CDYL: variants seen among roughly 807,000 people sequenced by gnomAD.
The protein encoded by CDYL is chromodomain Y-like protein.
A neutral mutation model predicts 47.3 loss-of-function variants in CDYL; 8 were observed. That is an observed-to-expected ratio of 0.17 (90% CI 0.10 to 0.31). The LOEUF (loss-of-function observed/expected upper bound fraction) is 0.31, where lower values mean the gene tolerates loss of function less well. Among genes scored for constraint, CDYL ranks in the 10% least tolerant of loss-of-function variants. The probability of loss-of-function intolerance (pLI) is 1.00; values close to 1 mark genes in which losing one functional copy is unlikely to be tolerated. For missense variants in CDYL, 471 were observed against 701.4 expected, an observed-to-expected ratio of 0.67 and a Z score of 3.71; for synonymous variants, 266 against 265.0, an observed-to-expected ratio of 1.00 and a Z score of -0.04.
intron 1 of CDYL, among the ~76,000 whole-genome samples, chr6:4,830,682 C>T (rs958172495): frequency 6.6e-6 from 1 of 151,812 alleles, no homozygotes; most frequent in Admixed American, 6.6e-5. Flanking sequence ...ATACATGTGA[C>T]ATGCTGGTGC....
At chr6:4,946,566 TACTCAAGGGTCTGGGGGTG>T (rs1443312233) in intron 5 of CDYL, among the ~76,000 whole-genome samples, 2 of 152,118 alleles carry the variant, frequency 1.3e-5, no homozygotes, top group Non-Finnish European at 2.9e-5. Flanking sequence ...AGGGCGCAGG[TACTCAAGGGTCTGGGGGTG>T]ACGCAGGGGT....
At chr6:4,792,212 T>C (rs1456057582) in intron 1 of CDYL, among the ~76,000 whole-genome samples, 3 of 152,006 alleles carry the variant, frequency 2.0e-5, no homozygotes, top group African/African-American at 7.3e-5. Flanking sequence ...GAATTTTATA[T>C]GAAAACATTT....
intron 3 of CDYL, among the ~76,000 whole-genome samples, chr6:4,752,859 T>C (rs1391094335): frequency 6.6e-6 from 1 of 151,032 alleles, no homozygotes; most frequent in Non-Finnish European, 1.5e-5. Flanking sequence ...TGTGTGTGTT[T>C]GTAGATAGGT....
intron 2 of CDYL, among the ~76,000 whole-genome samples, chr6:4,915,700 C>T (rs1323394127): frequency 6.6e-6 from 1 of 152,198 alleles, no homozygotes; most frequent in African/African-American, 2.4e-5. Context: ...CAAAATATAA[C>T]TTGACATATT....
chr6:4,708,803 G>A lies in CDYL; in HGVS notation c.-39+2552G>A, dbSNP rs555848593. ...GGAGGCCAAGATGGGTGGATCACCTGAGGTCAGGAGTTCAAGACCAGCCCG... is the reference window on the plus strand; with the variant it reads ...GGAGGCCAAGATGGGTGGATCACCTAAGGTCAGGAGTTCAAGACCAGCCCG... On this transcript the variant is annotated intron_variant, in intron 1 of 8. Coordinates refer to the CDYL transcript ENST00000328908. 3.3e-5 allele frequency among the ~76,000 whole-genome samples: 5 copies of A among 152,220 alleles called. No homozygotes were observed. In the South Asian group the frequency reaches 1.0e-3, roughly 32 times the overall value.
At chr6:4,852,255 A>T (rs1008576619) in intron 1 of CDYL, among the ~76,000 whole-genome samples, 1 of 152,176 alleles carries the variant, frequency 6.6e-6, no homozygotes, top group African/African-American at 2.4e-5. Flanking sequence ...ACTATTTTGC[A>T]AGGAAGAGCT....
chr6:4,734,664 A>G (rs62384815), intron 2 of CDYL: 1 of 1,496,560 alleles, frequency 6.7e-7, no homozygotes, highest in African/African-American at 1.4e-5. Context: ...GGGAGGGCAC[A>G]GGGATGGGAA....
chr6:4,826,926 T>C (rs1222849036), intron 1 of CDYL, among the ~76,000 whole-genome samples: 1 of 152,238 alleles, frequency 6.6e-6, no homozygotes, highest in Non-Finnish European at 1.5e-5. Context: ...CCAACTGTTA[T>C]TGTAAAGCTA....
rs200229800 is a variant in CDYL at position 4,852,515 on chromosome 6, TCTTC to T, written c.25-39184_25-39181del. Among the ~76,000 whole-genome samples, 59 of 86,994 alleles carry T rather than the reference TCTTC, an allele frequency of 6.8e-4. 2 individuals are homozygous for T. Among genetic ancestry groups the T allele is most frequent in the Admixed American group, 1.5e-3 (15 of 9,922 alleles). The allele number at this position is 86,994 out of a possible 152,430, so 57.1% of individuals were successfully genotyped here. A position where few individuals can be genotyped will look rare whatever the true frequency, so the allele number is the denominator to read the frequency against. ...TCCAATCTTCCTTCCTTCCTTCCAATCTTCCTTCCTTCCTTCCAATCTTCCTTCC... is the reference window on the plus strand; with the variant it reads ...TCCAATCTTCCTTCCTTCCTTCCAATCTTCCTTCCTTCCAATCTTCCTTCC... On this transcript the variant is annotated intron_variant, in intron 1 of 6. Coordinates refer to ENST00000397588, the MANE Select transcript of CDYL (RefSeq NM_004824.4).
At chr6:4,753,991 C>T (rs1001110876) in intron 3 of CDYL, among the ~76,000 whole-genome samples, 1 of 151,966 alleles carries the variant, frequency 6.6e-6, no homozygotes, top group African/African-American at 2.4e-5. Flanking sequence ...TTTTGTAAAT[C>T]GACTTGTTTT....
intron 2 of CDYL, among the ~76,000 whole-genome samples, chr6:4,913,866 G>T (rs1212041059): frequency 6.6e-6 from 1 of 152,268 alleles, no homozygotes; most frequent in African/African-American, 2.4e-5. Flanking sequence ...AAGCAGCCCA[G>T]ATTTGGCCAG....
At chr6:4,865,935 A>G (rs1486346420) in intron 1 of CDYL, among the ~76,000 whole-genome samples, 1 of 152,232 alleles carries the variant, frequency 6.6e-6, no homozygotes, top group Non-Finnish European at 1.5e-5. Context: ...TTAAGTGGAC[A>G]TAAAGAACCT....
At chr6:4,861,633 T>C (rs536764983) in intron 1 of CDYL, among the ~76,000 whole-genome samples, 5 of 152,348 alleles carry the variant, frequency 3.3e-5, no homozygotes, top group South Asian at 2.1e-4. Context: ...TGTCACAATA[T>C]TTTCCTATGT....
At chr6:4,918,500 CTTG>C (rs1361447605) in intron 2 of CDYL, among the ~76,000 whole-genome samples, 1 of 151,920 alleles carries the variant, frequency 6.6e-6, no homozygotes. Context: ...TACCACCTGT[CTTG>C]TTTAATTTGC....
At chr6:4,791,073 G>A (rs891443423) in intron 1 of CDYL, among the ~76,000 whole-genome samples, 8 of 152,220 alleles carry the variant, frequency 5.3e-5, no homozygotes, top group African/African-American at 1.9e-4. Flanking sequence ...AGAACGAAGT[G>A]TAACGTCTTT....
At chr6:4,808,632 A>G (rs1223804106) in intron 1 of CDYL, among the ~76,000 whole-genome samples, 1 of 152,234 alleles carries the variant, frequency 6.6e-6, no homozygotes, top group Non-Finnish European at 1.5e-5. Flanking sequence ...ATTTGTTTAT[A>G]TATCACGCAT....
intron 2 of CDYL, among the ~76,000 whole-genome samples, chr6:4,725,712 G>A (rs572107141): frequency 6.6e-6 from 1 of 152,362 alleles, no homozygotes; most frequent in Non-Finnish European, 1.5e-5. Flanking sequence ...GCAAGCTGAG[G>A]GAAGCAGCTC....
intron 1 of CDYL, among the ~76,000 whole-genome samples, chr6:4,787,510 T>A (rs1232910152): frequency 6.6e-6 from 1 of 152,016 alleles, no homozygotes; most frequent in East Asian, 1.9e-4. Flanking sequence ...CTGTATAGAG[T>A]ATGTTGAAAA....
chr6:4,840,631 C>CT (rs1404310568), intron 1 of CDYL, among the ~76,000 whole-genome samples: 3 of 152,062 alleles, frequency 2.0e-5, no homozygotes, highest in Non-Finnish European at 1.5e-5. Context: ...TTGTCAAATG[C>CT]TTTTTCTGCT....
Sources: gnomAD v4.1 joint callset for allele counts (sites outside exome capture counted in the v4.1 genomes callset) on GRCh38, gnomAD v4.1.1 for gene constraint, MANE v1.5 for transcripts, NCBI Gene and HGNC (gene_info 2026-07-23, HGNC 2026-07-21) for gene names.